Variants in B9D1 observed in about 807,000 individuals in gnomAD.
B9D1 encodes the protein B9 domain containing 1, also known as B9 domain-containing protein 1.
Under a neutral mutation model 26.1 loss-of-function variants are expected in B9D1, and 20 were observed. That is an observed-to-expected ratio of 0.77 (90% CI 0.54 to 1.12). The LOEUF is 1.12. Ranked by LOEUF, B9D1 falls within the 50% of genes most tolerant of loss-of-function variation. The probability of loss-of-function intolerance (pLI) is 0.00; values close to 1 mark genes in which losing one functional copy is unlikely to be tolerated. For missense variants in B9D1, 260 were observed against 273.7 expected (o/e 0.95, Z 0.35); for synonymous variants, 105 against 103.1 (o/e 1.02, Z -0.11).
chr17:19,339,439 TCTC>T (rs961974286), downstream of B9D1, among the ~76,000 whole-genome samples: 1 of 152,114 alleles, frequency 6.6e-6, no homozygotes. Context: ...ATAATATAGA[TCTC>T]CTGCTGTCCA....
At chr17:19,356,011 T>G (rs532615094) in intron 3 of B9D1, among the ~76,000 whole-genome samples, 1 of 152,350 alleles carries the variant, frequency 6.6e-6, no homozygotes, top group Admixed American at 6.5e-5. Context: ...CTTGTGTGCC[T>G]CATTATATGC....
chr17:19,376,624 CAAAAAAAAAAAAA>C (rs56972267), intron 1 of B9D1, among the ~76,000 whole-genome samples: 6 of 48,956 alleles, frequency 1.2e-4, no homozygotes, highest in South Asian at 1.3e-3. Context: ...TACTAAAATA[CAAAAAAAAAAAAA>C]AAAAAAAAAA....
At chr17:19,344,149 A>G (rs1035457178) in intron 5 of B9D1, among the ~76,000 whole-genome samples, 3 of 152,116 alleles carry the variant, frequency 2.0e-5, no homozygotes, top group African/African-American at 7.2e-5. Context: ...GGTTTGGTTC[A>G]CTGGGAATGA....
At chr17:19,345,453 C>T (rs1908640838) in intron 5 of B9D1, among the ~76,000 whole-genome samples, 1 of 152,112 alleles carries the variant, frequency 6.6e-6, no homozygotes. Context: ...TGCACGTGAC[C>T]TTATTGAGAA....
chr17:19,373,680 C>T (rs765404489), intron 1 of B9D1, among the ~76,000 whole-genome samples: 13 of 151,928 alleles, frequency 8.6e-5, no homozygotes, highest in Admixed American at 3.3e-4. Flanking sequence ...ATTGAGACAC[C>T]GCGCCCAGCC....
At chr17:19,352,557 T>G (rs1287505631) in intron 3 of B9D1, among the ~76,000 whole-genome samples, 7 of 147,806 alleles carry the variant, frequency 4.7e-5, no homozygotes, top group Admixed American at 4.2e-4. Context: ...GTTTCGCTCT[T>G]GTTGCCCAGG....
chr17:19,373,403 T>G (rs970297723), intron 1 of B9D1, among the ~76,000 whole-genome samples: 2 of 151,878 alleles, frequency 1.3e-5, no homozygotes, highest in African/African-American at 4.8e-5. Context: ...TTACTTTTTT[T>G]TTTTTTGAGA....
At position 19,347,468 on chromosome 17, in the gene B9D1, G is replaced by A; in HGVS notation, c.342-137C>T. Reference sequence around the variant, plus strand: ...GGGCCAATGTCAACGAATCCAACCTGTGCTAACTGAGCACCCCCTGTGTCT... The same window carrying A: ...GGGCCAATGTCAACGAATCCAACCTATGCTAACTGAGCACCCCCTGTGTCT... On this transcript the variant is annotated intron_variant, in intron 4 of 6. Transcript: ENST00000261499. The surrounding 1 kb of genome is among the most constrained non-coding windows in gnomAD (Gnocchi z 4.3). The A allele has an allele frequency of 7.6e-6, 8 of 1,059,362 alleles. No homozygotes were observed. Among genetic ancestry groups the A allele is most frequent in the Admixed American group, 2.0e-5 (1 of 50,782 alleles). The allele number at this position is 1,059,362 out of a possible 1,614,324, so 65.6% of individuals were successfully genotyped here.
rs556568599 is a variant in B9D1, at chr17:19,350,440, G to A, written c.245-2560C>T. ...ATGTGCCTGTAGTCCCAGCTACTCC[G>A]GAGGCTGAGGCAGAATTGCTTGAAC... On this transcript the variant is annotated intron_variant, in intron 3 of 6. Transcript: ENST00000261499. Among the ~76,000 whole-genome samples, 19 of 152,032 alleles carry A rather than the reference G, an allele frequency of 1.2e-4. No individual in the cohort carries two copies. The South Asian group carries it at 2.3e-3, about 18-fold the overall frequency.
chr17:19,347,019 C>T lies in B9D1; in HGVS notation c.404+250G>A. 1.3e-6 allele frequency: 2 copies of T among 1,543,010 alleles called. No individual in the cohort carries two copies. Among genetic ancestry groups the T allele is most frequent in the Non-Finnish European group, 8.7e-7 (1 of 1,144,912 alleles). On this transcript the variant is annotated intron_variant, in intron 5 of 6. Transcript: ENST00000261499. This position sits in a 1 kb window ranked among gnomAD's most constrained non-coding sequence, Gnocchi z 4.3. ...TTTTTCCCATCTGACAAGAGTTTTT[C>T]CTCTGCTCCCTCAGACACAAAGATT...
intron 2 of B9D1, among the ~76,000 whole-genome samples, chr17:19,358,250 C>CATCCCCACCCTCACCTGAGT (rs1380454282): frequency 1.3e-5 from 2 of 152,200 alleles, no homozygotes; most frequent in African/African-American, 2.4e-5. Flanking sequence ...CACTCTCCTG[C>CATCCCCACCCTCACCTGAGT]ATCCCCACCC....
At position 19,372,272 on chromosome 17, in the gene B9D1, T is replaced by C. The variant is rs1451310011; in HGVS notation, c.-298+5587A>G. 1 of 152,258 alleles carries C rather than the reference T, an allele frequency of 6.6e-6. No individual in the cohort carries two copies. The highest frequency in any genetic ancestry group is 1.5e-5 in the Non-Finnish European group (1 of 68,078). 9.4% of individuals were successfully genotyped at this position (152,258 alleles called of 1,614,324 possible). ...CCACAAAACAATGCAACCAGGTGGA[T>C]CTGAACATCCCCACTTCACAGATGA... On this transcript the variant is annotated intron_variant, in intron 1 of 5. Transcript: ENST00000477478. This position sits in a 1 kb window ranked among gnomAD's most constrained non-coding sequence, Gnocchi z 4.4.
At chr17:19,346,836 G>A in intron 5 of B9D1, 1 of 1,175,102 alleles carries the variant, frequency 8.5e-7, no homozygotes, top group Admixed American at 3.2e-5. Flanking sequence ...TTCTTCCCCG[G>A]CTCTTCCCTC....
upstream of B9D1, among the ~76,000 whole-genome samples, chr17:19,366,009 C>T (rs1852168257): frequency 1.3e-5 from 2 of 151,888 alleles, no homozygotes; most frequent in Admixed American, 1.3e-4. Context: ...ACCTATCCGC[C>T]CAGAGAACTC....
chr17:19,364,764 C>T (rs189993744), upstream of B9D1, among the ~76,000 whole-genome samples: 70 of 152,368 alleles, frequency 4.6e-4, 1 homozygote, highest in Admixed American at 3.7e-3. This position sits in a 1 kb window ranked among gnomAD's most constrained non-coding sequence, Gnocchi z 4.3. Context: ...ACATTCCTCG[C>T]TCCCACCTCA....
intron 1 of B9D1, among the ~76,000 whole-genome samples, chr17:19,375,720 C>T (rs1238994177): frequency 6.6e-6 from 1 of 152,034 alleles, no homozygotes; most frequent in African/African-American, 2.4e-5. Flanking sequence ...CCAGCCTGGG[C>T]GATAGAGTGA....
intron 2 of B9D1, 38 bp downstream of exon 2, chr17:19,360,282 C>T (rs1306643334): frequency 1.9e-6 from 3 of 1,601,900 alleles, no homozygotes; most frequent in South Asian, 1.1e-5. Context: ...CCCCAAAAGT[C>T]ATGAAGGCGG....
downstream of B9D1, among the ~76,000 whole-genome samples, chr17:19,342,283 C>T (rs966282400): frequency 1.3e-5 from 2 of 152,134 alleles, no homozygotes; most frequent in African/African-American, 4.8e-5. Context: ...TCAGAACGCA[C>T]AGTGAGTTGG....
Position 19,347,429 on chromosome 17 carries a change from C to T in B9D1, c.342-98G>A, listed in dbSNP as rs1030373379. ...TCAGATCAGGCCAGTGCAGCTGCAG[C>T]GTGGGCCAAGTCAGGGCCAATGTCA... On this transcript the variant is annotated intron_variant, in intron 4 of 6. Coordinates refer to ENST00000261499, the MANE Select transcript of B9D1 (RefSeq NM_015681.6). This position sits in a 1 kb window ranked among gnomAD's most constrained non-coding sequence, Gnocchi z 4.3. The T allele has an allele frequency of 2.0e-5, 28 of 1,435,654 alleles. No homozygotes were observed. The highest frequency in any genetic ancestry group is 1.7e-4 in the Middle Eastern group (1 of 5,736). 88.9% of individuals were successfully genotyped at this position (1,435,654 alleles called of 1,614,324 possible).
Sources: gnomAD v4.1 joint callset for allele counts (sites outside exome capture counted in the v4.1 genomes callset) on GRCh38, gnomAD v4.1.1 for gene constraint, Gnocchi (gnomAD v3.1) non-coding constraint, MANE v1.5 for transcripts, NCBI Gene and HGNC (gene_info 2026-07-23, HGNC 2026-07-21) for gene names.